Variants in CCDC178 observed in about 807,000 individuals in gnomAD.
CCDC178 encodes the protein coiled-coil domain containing 178.
A neutral mutation model predicts 117.4 loss-of-function variants in CCDC178; 126 were observed. The observed-to-expected ratio is 1.07, with a 90% CI of 0.93 to 1.24. The LOEUF (loss-of-function observed/expected upper bound fraction) is 1.24. CCDC178 is among the 50% of genes most tolerant of loss of function. CCDC178 has a pLI of 0.00. For synonymous variants in CCDC178, 283 were observed against 313.4 expected, an observed-to-expected ratio of 0.90 and a Z score of 1.02; for missense variants, 1,030 against 986.9, an observed-to-expected ratio of 1.04 and a Z score of -0.59.
At chr18:33,417,191 A>C (rs2063954360) in intron 2 of CCDC178, among the ~76,000 whole-genome samples, 1 of 152,202 alleles carries the variant, frequency 6.6e-6, no homozygotes, top group South Asian at 2.1e-4. Flanking sequence ...CACGCTACCT[A>C]GATGTCTCTC....
intron 20 of CCDC178, among the ~76,000 whole-genome samples, chr18:33,158,537 A>C (rs951298264): frequency 6.6e-6 from 1 of 152,090 alleles, no homozygotes; most frequent in Non-Finnish European, 1.5e-5. Context: ...AAAAAGGGAA[A>C]ATTTTAGACC....
At chr18:33,372,793 C>T (rs2063317407) in intron 5 of CCDC178, among the ~76,000 whole-genome samples, 1 of 152,074 alleles carries the variant, frequency 6.6e-6, no homozygotes. Flanking sequence ...TGAATTTGAT[C>T]CTTATATAAT....
At chr18:33,085,345 C>T (rs377172833) in intron 21 of CCDC178, among the ~76,000 whole-genome samples, 2,279 of 152,244 alleles carry the variant, frequency 0.015, 52 homozygotes, top group African/African-American at 0.049. Flanking sequence ...GGGCGGATCA[C>T]GAGGTCAGGG....
chr18:33,320,420 A>G (rs1019343108), intron 11 of CCDC178, among the ~76,000 whole-genome samples: 1 of 152,216 alleles, frequency 6.6e-6, no homozygotes, highest in African/African-American at 2.4e-5. Flanking sequence ...TCAATGTACA[A>G]AAATCACAAG....
At chr18:33,024,338 G>A (rs111953962) in intron 21 of CCDC178, among the ~76,000 whole-genome samples, 1 of 152,182 alleles carries the variant, frequency 6.6e-6, no homozygotes, top group African/African-American at 2.4e-5. Flanking sequence ...TTATTCTGAG[G>A]CCTCTCTAGC....
chr18:33,407,187 G>A (rs1014803293), intron 3 of CCDC178, among the ~76,000 whole-genome samples: 6 of 152,082 alleles, frequency 3.9e-5, no homozygotes, highest in African/African-American at 1.4e-4. Flanking sequence ...TGCTTCAACT[G>A]TACTTGAGAA....
rs191369431 is a variant in CCDC178 at position 33,437,104 on chromosome 18, A to C, written c.-23+2858T>G. Among the ~76,000 whole-genome samples the C allele has an allele frequency of 3.6e-3, 547 of 152,352 alleles. 2 individuals are homozygous for C. Among genetic ancestry groups the C allele is most frequent in the African/African-American group, 0.013 (523 of 41,582 alleles). On this transcript the variant is annotated intron_variant, in intron 2 of 22. Transcript: ENST00000383096. ...GGTGATTAAAGTGTAATTACCTCTGACTAACATAATTTCTCTAGCAAAAAT... is the reference window on the plus strand; with the variant it reads ...GGTGATTAAAGTGTAATTACCTCTGCCTAACATAATTTCTCTAGCAAAAAT...
chr18:33,330,611 A>T (rs963069367), intron 10 of CCDC178, among the ~76,000 whole-genome samples: 1 of 152,174 alleles, frequency 6.6e-6, no homozygotes, highest in Non-Finnish European at 1.5e-5. Flanking sequence ...AGAAACAATC[A>T]ATAGGAGCGA....
intron 7 of CCDC178, among the ~76,000 whole-genome samples, chr18:33,354,222 C>T (rs2063020420): frequency 6.6e-6 from 1 of 152,096 alleles, no homozygotes. Context: ...TTCTCTTTGT[C>T]CCAGGCATTT....
At chr18:33,256,427 C>T (rs1194192241) in intron 14 of CCDC178, among the ~76,000 whole-genome samples, 4 of 151,998 alleles carry the variant, frequency 2.6e-5, no homozygotes, top group African/African-American at 9.7e-5. Flanking sequence ...TTATTTATCC[C>T]TTGGTATCTA....
intron 21 of CCDC178, among the ~76,000 whole-genome samples, chr18:33,061,757 A>G (rs1405755282): frequency 6.6e-6 from 1 of 152,234 alleles, no homozygotes. Context: ...TAGATGATCT[A>G]TAAATGATAG....
intron 14 of CCDC178, among the ~76,000 whole-genome samples, chr18:33,255,219 G>A (rs1000167329): frequency 6.6e-6 from 1 of 152,004 alleles, no homozygotes; most frequent in Non-Finnish European, 1.5e-5. Flanking sequence ...CAAGCCTGCA[G>A]AACCATGAAC....
In CCDC178 at chr18:33,092,731, T is replaced by C. The variant is rs369485503; in HGVS notation, c.2388+30A>G. On this transcript the variant is annotated intron_variant, in intron 21 of 22. Transcript: ENST00000383096. ...TGTAGTGCATATATGACATAAATCA[T>C]CACCTTAAAACAATTAGAAAAACCA... The C allele has an allele frequency of 3.4e-6, 5 of 1,486,102 alleles. No individual in the cohort carries two copies. In the African/African-American group the frequency reaches 7.2e-5, roughly 21 times the overall value. The allele number at this position is 1,486,102 out of a possible 1,614,324, so 92.1% of individuals were successfully genotyped here. A position where few individuals can be genotyped will look rare whatever the true frequency, so the allele number is the denominator to read the frequency against.
chr18:32,999,032 C>G (rs1017193388), intron 21 of CCDC178, among the ~76,000 whole-genome samples: 3 of 152,088 alleles, frequency 2.0e-5, no homozygotes, highest in Non-Finnish European at 4.4e-5. Context: ...AAGTGGACAA[C>G]TGGGGTTCCC....
chr18:33,226,809 G>A lies in CCDC178; in HGVS notation c.1640C>T (p.Ala547Val). The A allele has an allele frequency of 6.3e-7, 1 of 1,587,854 alleles. No individual in the cohort carries two copies. Among genetic ancestry groups the A allele is most frequent in the Non-Finnish European group, 8.6e-7 (1 of 1,164,570 alleles). The change falls in exon 16 of 23, where the codon GCT (alanine) becomes GTT (valine). Residue 547 changes from alanine to valine, a missense_variant. Ala to Val is a moderately conservative substitution (Grantham distance 64). Coordinates refer to ENST00000383096, the MANE Select transcript of CCDC178 (RefSeq NM_001105528.4). ...LKKLTQGEVA[A>V]GMVLQKKLYS... The stretch of plus-strand genomic sequence containing the variant: ...CAGTATTACCTGAAGCACCATTCCA[G>A]CAGCCACTTCACCTTGAGTGAGTTT...
intron 21 of CCDC178, among the ~76,000 whole-genome samples, chr18:33,072,771 A>G (rs1456009023): frequency 6.6e-6 from 1 of 152,160 alleles, no homozygotes; most frequent in Non-Finnish European, 1.5e-5. Flanking sequence ...TTCCTTGTAT[A>G]AAGGTAGAAC....
Position 33,223,142 on chromosome 18 carries a change from C to CT in CCDC178, c.1895dup (p.Lys634GlufsTer5), listed in dbSNP as rs1568068064. On this transcript the variant is annotated frameshift_variant, in exon 18 of 23. Coordinates refer to ENST00000383096, the MANE Select transcript of CCDC178 (RefSeq NM_001105528.4). LOFTEE classifies it high-confidence loss of function. ...TTAATGCATCAAGGGTTTTCTTCCCCTTTTTTCGTAATTTTTTCTTTACTT... is the reference window on the plus strand; with the variant it reads ...TTAATGCATCAAGGGTTTTCTTCCCCTTTTTTTCGTAATTTTTTCTTTACTT... 2 of 1,606,274 alleles carry CT rather than the reference C, an allele frequency of 1.2e-6. No homozygotes were observed. Among genetic ancestry groups the CT allele is most frequent in the Admixed American group, 1.7e-5 (1 of 59,616 alleles).
intron 21 of CCDC178, among the ~76,000 whole-genome samples, chr18:33,071,659 G>A (rs271513): frequency 0.14 from 21,642 of 151,990 alleles, 2,394 homozygotes; most frequent in African/African-American, 0.31. Context: ...ATTCTCATTG[G>A]GAAACTTGAG....
intron 2 of CCDC178, among the ~76,000 whole-genome samples, chr18:33,438,480 A>G (rs963060389): frequency 3.9e-5 from 6 of 152,050 alleles, no homozygotes; most frequent in Admixed American, 3.9e-4. Flanking sequence ...AAATGAAGTT[A>G]AAAGTTCAAC....
Sources: allele counts gnomAD v4.1 joint callset (sites outside exome capture counted in the v4.1 genomes callset), GRCh38; gene constraint gnomAD v4.1.1; transcripts MANE v1.5; gene names NCBI Gene and HGNC (gene_info 2026-07-23, HGNC 2026-07-21).